The following UVSSA variants were observed in gnomAD, a reference collection of about 807,000 sequenced individuals.
The protein encoded by UVSSA is UV stimulated scaffold protein A, also known as UV-stimulated scaffold protein A.
In UVSSA, 72 loss-of-function variants were observed where a neutral mutation model predicts 73.9. That is an observed-to-expected ratio of 0.97 (90% confidence interval 0.81 to 1.19). The LOEUF (loss-of-function observed/expected upper bound fraction) is 1.19, where lower values mean the gene tolerates loss of function less well. Among genes scored for constraint, UVSSA ranks in the 50% most tolerant of loss-of-function variants. The pLI is 0.00. For synonymous variants in UVSSA, 454 were observed against 391.3 expected, an observed-to-expected ratio of 1.16 and a Z score of -1.89; for missense variants, 1,150 against 965.0, an observed-to-expected ratio of 1.19 and a Z score of -2.54.
chr4:1,365,899 G>A (rs1421140854), intron 7 of UVSSA, among the ~76,000 whole-genome samples: 2 of 151,748 alleles, frequency 1.3e-5, no homozygotes, highest in Non-Finnish European at 2.9e-5. Flanking sequence ...TGCTCCACCT[G>A]GTGAGAAGAT....
At chr4:1,376,344 C>T (rs1013352008) in intron 10 of UVSSA, among the ~76,000 whole-genome samples, 176 bp downstream of exon 10, 4 of 152,204 alleles carry the variant, frequency 2.6e-5, no homozygotes, top group African/African-American at 9.6e-5. Context: ...CCTGCTGATC[C>T]GGCTCGTGGA....
chr4:1,378,090 C>A (rs1484331228), intron 10 of UVSSA, among the ~76,000 whole-genome samples: 1 of 152,224 alleles, frequency 6.6e-6, no homozygotes. Flanking sequence ...TGGCTCTCAG[C>A]CACATTTAGG....
intron 8 of UVSSA, among the ~76,000 whole-genome samples, chr4:1,374,146 C>T (rs1718466373): frequency 6.6e-6 from 1 of 152,224 alleles, no homozygotes; most frequent in Non-Finnish European, 1.5e-5. Flanking sequence ...CGAAGTCTGG[C>T]TTCCCTGCGG....
chr4:1,375,263 A>C (rs150398177), intron 8 of UVSSA, 101 bp from the exon 9 acceptor site: 84,296 of 1,539,744 alleles, frequency 0.055, 2,681 homozygotes, highest in Non-Finnish European at 0.065. Flanking sequence ...TGGAAGATGG[A>C]ACACGCTAAC....
chr4:1,358,616 ATCTCCCTCCT>A (rs1716151605), intron 7 of UVSSA: 1 of 152,254 alleles, frequency 6.6e-6, no homozygotes, highest in African/African-American at 2.4e-5. Context: ...GTATCTGCCC[ATCTCCCTCCT>A]GGCTCCGCGC....
intron 8 of UVSSA, among the ~76,000 whole-genome samples, chr4:1,367,920 C>T (rs774985429): frequency 2.0e-5 from 3 of 152,230 alleles, no homozygotes; most frequent in East Asian, 1.9e-4. Context: ...TTCCCCACCT[C>T]GGGCAGGCGT....
intron 8 of UVSSA, among the ~76,000 whole-genome samples, chr4:1,366,681 C>T (rs1312167380): frequency 6.6e-6 from 1 of 152,204 alleles, no homozygotes; most frequent in Non-Finnish European, 1.5e-5. Flanking sequence ...GCAGCCTGCC[C>T]CGCGGTGGGC....
At chr4:1,342,705 TTACTC>T (rs1254143588), upstream of UVSSA, among the ~76,000 whole-genome samples, 2 of 152,220 alleles carry the variant, frequency 1.3e-5, no homozygotes, top group African/African-American at 2.4e-5. Context: ...TCCCATATGT[TTACTC>T]TATTGTTCTA....
At chr4:1,361,694 G>A (rs1388623311) in intron 7 of UVSSA, among the ~76,000 whole-genome samples, 2 of 152,220 alleles carry the variant, frequency 1.3e-5, no homozygotes, top group South Asian at 2.1e-4. Context: ...TCCAGGGAGG[G>A]CATTAGCATA....
Position 1,385,965 on chromosome 4 carries a change from G to A in UVSSA, c.*4G>A. On this transcript the variant is annotated 3_prime_UTR_variant, in exon 14 of 14. Transcript: ENST00000389851. ...GTTTAACTACGCACTGAACTAGAGA[G>A]CGGGGCCCAGTGCACTGGCCATCAG... 1 of 1,613,926 alleles carries A rather than the reference G, an allele frequency of 6.2e-7. No individual in the cohort carries two copies. The highest frequency in any genetic ancestry group is 2.2e-5 in the East Asian group (1 of 44,886).
At chr4:1,348,648 A>G (rs929714100) in intron 2 of UVSSA, among the ~76,000 whole-genome samples, 1 of 152,192 alleles carries the variant, frequency 6.6e-6, no homozygotes, top group Non-Finnish European at 1.5e-5. Flanking sequence ...CCAGAGATTC[A>G]TGGGGGAAGC....
chr4:1,349,808 A>T lies in UVSSA; in HGVS notation c.383A>T (p.Tyr128Phe). ...TGGAATGAGAAGTTTGGGGAGGCCT[A>T]CAAGAAGCTTGCCTTGGGCTACCAC... is the stretch of plus-strand genomic sequence containing the variant. The part of the protein sequence containing the change: ...EGWNEKFGEA[Y>F]KKLALGYHFL... Residue 128 changes from tyrosine (Y) to phenylalanine (F), a missense_variant, in exon 3 of 14, where the codon TAC becomes TTC. Transcript: ENST00000389851. 1 of 1,585,764 alleles carries T rather than the reference A, an allele frequency of 6.3e-7. No homozygotes were observed. The highest frequency in any genetic ancestry group is 8.6e-7 in the Non-Finnish European group (1 of 1,164,858).
intron 9 of UVSSA, 130 bp from the exon 10 acceptor site, chr4:1,375,904 T>G: frequency 7.2e-7 from 1 of 1,392,050 alleles, no homozygotes; most frequent in Non-Finnish European, 9.6e-7. Flanking sequence ...CCAGGCGTCG[T>G]GTGGCAGAAG....
chr4:1,374,848 G>C (rs1006762775), intron 8 of UVSSA: 3 of 155,444 alleles, frequency 1.9e-5, no homozygotes, highest in African/African-American at 4.8e-5. Flanking sequence ...GATGTGGGTT[G>C]AACCCCTGTG....
chr4:1,355,012 C>A (rs1289309336), intron 6 of UVSSA, 105 bp from the exon 7 acceptor site: 4 of 1,542,904 alleles, frequency 2.6e-6, no homozygotes, highest in Non-Finnish European at 3.5e-6. Context: ...CCCAGGTGTG[C>A]CAGGGACCCC....
chr4:1,349,140 TTG>T (rs1162345156), intron 2 of UVSSA, among the ~76,000 whole-genome samples: 1 of 152,212 alleles, frequency 6.6e-6, no homozygotes, highest in African/African-American at 2.4e-5. Flanking sequence ...GCCAGATGGT[TTG>T]TGTTTCAGGC....
In UVSSA at chr4:1,385,900, A is replaced by G. The variant is rs1720065142; in HGVS notation, c.2069A>G (p.Asn690Ser). ...AAVRRVVAAM[N>S]RMDQKKHEKF... Reference sequence around the variant, plus strand: ...GTGCGGAGGGTAGTGGCAGCCATGAACCGGATGGACCAGAAGAAGCACGAG... The same window carrying G: ...GTGCGGAGGGTAGTGGCAGCCATGAGCCGGATGGACCAGAAGAAGCACGAG... Residue 690 changes from asparagine to serine, a missense_variant, in exon 14 of 14, where the codon AAC becomes AGC. Coordinates refer to ENST00000389851, the MANE Select transcript of UVSSA (RefSeq NM_020894.4). 7.4e-6 allele frequency: 12 copies of G among 1,613,890 alleles called. No individual in the cohort carries two copies. The highest frequency in any genetic ancestry group is 1.0e-5 in the Non-Finnish European group (12 of 1,180,022).
chr4:1,355,339 G>A (rs191866638), intron 7 of UVSSA, 94 bp downstream of exon 7: 71 of 1,303,228 alleles, frequency 5.4e-5, no homozygotes, highest in Middle Eastern at 2.5e-4. Context: ...CTGTGGGCCC[G>A]GCGGACCCCA....
At chr4:1,392,481 CTT>C (rs1720431497), downstream of UVSSA, 1 of 152,198 alleles carries the variant, frequency 6.6e-6, no homozygotes, top group Non-Finnish European at 1.5e-5. Context: ...AATGAATTCT[CTT>C]TGTTTTTGTT....
Sources: gnomAD v4.1 joint callset for allele counts (sites outside exome capture counted in the v4.1 genomes callset) on GRCh38, gnomAD v4.1.1 for gene constraint, MANE v1.5 for transcripts, NCBI Gene and HGNC (gene_info 2026-07-23, HGNC 2026-07-21) for gene names.